CDH4: variants seen among roughly 807,000 people sequenced by gnomAD.
CDH4 encodes cadherin-4.
A neutral mutation model predicts 86.0 loss-of-function variants in CDH4; 33 were observed. That is an observed-to-expected ratio of 0.38 (90% CI 0.29 to 0.51). CDH4 has a LOEUF of 0.51. CDH4 is among the 20% of genes least tolerant of loss of function. The probability of loss-of-function intolerance (pLI) is 0.86; values close to 1 mark genes in which losing one functional copy is unlikely to be tolerated. For synonymous variants in CDH4, 555 were observed against 549.4 expected (o/e 1.01, Z -0.14); for missense variants, 1,114 against 1,307.4 (o/e 0.85, Z 2.28).
At chr20:61,660,690 C>T (rs1247410195) in intron 2 of CDH4, among the ~76,000 whole-genome samples, 1 of 152,206 alleles carries the variant, frequency 6.6e-6, no homozygotes. Flanking sequence ...TCACTCTTGG[C>T]TTGGGTCCCA....
rs536436027 is a variant in CDH4 at position 61,454,506 on chromosome 20, C to T, written c.169+199569C>T. On this transcript the variant is annotated intron_variant, in intron 2 of 15. Transcript: ENST00000614565. The stretch of plus-strand genomic sequence containing the variant: ...TGTCCCCCAGGCTGGAGTGCAGTGG[C>T]GCGATCTCGGCTCACTGCAAGCTCC... Among the ~76,000 whole-genome samples the T allele has an allele frequency of 1.6e-4, 24 of 152,184 alleles. 1 individual carries two copies. The Middle Eastern group carries it at 0.014, about 86-fold the overall frequency.
intron 2 of CDH4, among the ~76,000 whole-genome samples, chr20:61,316,340 A>G (rs1345444361): frequency 6.6e-6 from 1 of 152,252 alleles, no homozygotes; most frequent in Non-Finnish European, 1.5e-5. Flanking sequence ...CGGCCCGCAG[A>G]TAGAGACCGC....
chr20:61,717,071 C>T (rs2087964804), intron 2 of CDH4, among the ~76,000 whole-genome samples: 1 of 152,232 alleles, frequency 6.6e-6, no homozygotes, highest in South Asian at 2.1e-4. Context: ...CTTCCCATCC[C>T]TGCTCCTCAG....
chr20:61,908,240 T>A (rs1385549538), intron 8 of CDH4, among the ~76,000 whole-genome samples: 1 of 152,200 alleles, frequency 6.6e-6, no homozygotes, highest in Non-Finnish European at 1.5e-5. Flanking sequence ...GCCGTCCTTT[T>A]TAGGAATGCT....
At chr20:61,627,109 G>C (rs1361757957) in intron 2 of CDH4, among the ~76,000 whole-genome samples, 1 of 152,142 alleles carries the variant, frequency 6.6e-6, no homozygotes, top group Admixed American at 6.5e-5. Flanking sequence ...TATCAGCTCA[G>C]CGGCTTCTGG....
In CDH4 at chr20:61,676,400, C is replaced by G. The variant is rs781723798; in HGVS notation, c.170-67163C>G. Among the ~76,000 whole-genome samples the G allele has an allele frequency of 1.6e-4, 25 of 152,212 alleles. No individual in the cohort carries two copies. Among genetic ancestry groups the G allele is most frequent in the Non-Finnish European group, 4.4e-5 (3 of 68,034 alleles). ...AATTTGGATCTTCCAAGGCATCCAT[C>G]TTTACCTGAAAAAGAAGGTGGATGG... On this transcript the variant is annotated intron_variant, in intron 2 of 15. Coordinates refer to ENST00000614565, the MANE Select transcript of CDH4 (RefSeq NM_001794.5). This position sits in a 1 kb window ranked among gnomAD's most constrained non-coding sequence, Gnocchi z 4.5.
At position 61,391,604 on chromosome 20, in the gene CDH4, G is replaced by A. The variant is rs147369014; in HGVS notation, c.169+136667G>A. 8.5e-4 allele frequency among the ~76,000 whole-genome samples: 130 copies of A among 152,352 alleles called. 2 individuals carry two copies. Among genetic ancestry groups the A allele is most frequent in the African/African-American group, 2.8e-3 (118 of 41,586 alleles). ...TTTGTATCTGTTGGTCTCATTTCCT[G>A]TGGGATGTTTCCTGGTTGCAGCATG... On this transcript the variant is annotated intron_variant, in intron 2 of 15. Coordinates refer to ENST00000614565, the MANE Select transcript of CDH4 (RefSeq NM_001794.5).
chr20:61,277,288 A>G (rs529684602), intron 2 of CDH4, among the ~76,000 whole-genome samples: 1 of 152,280 alleles, frequency 6.6e-6, no homozygotes, highest in South Asian at 2.1e-4. Context: ...CTTTTGTCTC[A>G]GTTTTATTAA....
At chr20:61,260,236 G>A (rs2084121289) in intron 2 of CDH4, among the ~76,000 whole-genome samples, 1 of 152,128 alleles carries the variant, frequency 6.6e-6, no homozygotes, top group East Asian at 1.9e-4. Flanking sequence ...GCCCTCCTCT[G>A]CTCCTTTTGT....
chr20:61,661,090 G>GGGGT (rs1555821318), intron 2 of CDH4, among the ~76,000 whole-genome samples: 2 of 141,628 alleles, frequency 1.4e-5, no homozygotes, highest in African/African-American at 5.2e-5. Flanking sequence ...ATGGCGGGGG[G>GGGGT]GGGGGAGACA....
intron 2 of CDH4, among the ~76,000 whole-genome samples, chr20:61,464,739 C>T (rs1164135176): frequency 1.3e-5 from 2 of 152,188 alleles, no homozygotes; most frequent in African/African-American, 4.8e-5. Context: ...CTGAGACACA[C>T]TAGCAGAGCC....
chr20:61,599,100 G>A (rs555052167), intron 2 of CDH4, among the ~76,000 whole-genome samples: 1 of 152,262 alleles, frequency 6.6e-6, no homozygotes, highest in East Asian at 1.9e-4. Context: ...CCTTTTCAGG[G>A]ACCTCCAATC....
In CDH4 at chr20:61,752,885, G is replaced by A. The variant is rs139646510; in HGVS notation, c.396+9096G>A. On this transcript the variant is annotated intron_variant, in intron 3 of 15. Transcript: ENST00000614565. ...GAGGGTTCCTTTCAGGGGGCAGCAGGAAGCCATGCTGGGGGACACCAGAGG... is the reference window on the plus strand; with the variant it reads ...GAGGGTTCCTTTCAGGGGGCAGCAGAAAGCCATGCTGGGGGACACCAGAGG... Among the ~76,000 whole-genome samples, 544 of 152,326 alleles carry A rather than the reference G, an allele frequency of 3.6e-3. 7 individuals are homozygous for A. Among genetic ancestry groups the A allele is most frequent in the African/African-American group, 0.012 (511 of 41,558 alleles).
chr20:61,594,762 C>T (rs1045610361), intron 2 of CDH4, among the ~76,000 whole-genome samples: 1 of 152,186 alleles, frequency 6.6e-6, no homozygotes, highest in East Asian at 1.9e-4. Context: ...TGGGTCCCCT[C>T]GGCCCCCACA....
intron 2 of CDH4, among the ~76,000 whole-genome samples, chr20:61,322,112 C>G (rs750425862): frequency 3.3e-5 from 5 of 152,066 alleles, no homozygotes; most frequent in Non-Finnish European, 5.9e-5. Context: ...GCAGTTCTTC[C>G]GGGTCCTTGT....
intron 2 of CDH4, among the ~76,000 whole-genome samples, chr20:61,408,458 A>G (rs2145487957): frequency 2.0e-5 from 3 of 152,270 alleles, no homozygotes; most frequent in Middle Eastern, 6.8e-3. Flanking sequence ...CCAGACCGTA[A>G]CCGTAGACTC....
intron 2 of CDH4, among the ~76,000 whole-genome samples, chr20:61,409,568 C>T (rs920598042): frequency 3.3e-5 from 5 of 152,222 alleles, no homozygotes; most frequent in Non-Finnish European, 7.3e-5. Context: ...TGAGAGGTAT[C>T]GCACTGTGTG....
At chr20:61,536,395 G>A (rs935713855) in intron 2 of CDH4, among the ~76,000 whole-genome samples, 2 of 151,208 alleles carry the variant, frequency 1.3e-5, no homozygotes, top group East Asian at 2.0e-4. Flanking sequence ...ACAACCCATG[G>A]AAAGTTCCAT....
intron 4 of CDH4, among the ~76,000 whole-genome samples, chr20:61,798,085 A>G (rs571442938): frequency 1.3e-5 from 2 of 152,292 alleles, no homozygotes; most frequent in East Asian, 3.9e-4. Context: ...TGTCACATCC[A>G]TGAGCAGTTC....
Sources: gnomAD v4.1 joint callset for allele counts (sites outside exome capture counted in the v4.1 genomes callset) on GRCh38, gnomAD v4.1.1 for gene constraint, Gnocchi (gnomAD v3.1) non-coding constraint, MANE v1.5 for transcripts, NCBI Gene and HGNC (gene_info 2026-07-23, HGNC 2026-07-21) for gene names.